POGZ: variants seen among roughly 807,000 people sequenced by gnomAD.
The protein encoded by POGZ is pogo transposable element derived with ZNF domain.
POGZ carries 17 observed loss-of-function variants against 134.6 expected under a neutral mutation model. The ratio of observed to expected loss-of-function variants is 0.13; its 90% CI spans 0.09 to 0.19. The LOEUF is 0.19. Among genes scored for constraint, POGZ ranks in the 10% least tolerant of loss-of-function variants. The probability of loss-of-function intolerance (pLI) is 1.00; values close to 1 mark genes in which losing one functional copy is unlikely to be tolerated. For synonymous variants in POGZ, 693 were observed against 657.1 expected, an observed-to-expected ratio of 1.05 and a Z score of -0.84; for missense variants, 1,306 against 1,769.7, an observed-to-expected ratio of 0.74 and a Z score of 4.70.
At chr1:151,439,282 G>C (rs1660130551) in intron 3 of POGZ, among the ~76,000 whole-genome samples, 1 of 152,000 alleles carries the variant, frequency 6.6e-6, no homozygotes. Flanking sequence ...TACATAAATG[G>C]TTCCCCATCT....
chr1:151,447,044 T>G (rs995645254), intron 1 of POGZ, among the ~76,000 whole-genome samples: 34 of 152,098 alleles, frequency 2.2e-4, no homozygotes, highest in Non-Finnish European at 1.5e-5. Flanking sequence ...TCATAAATAT[T>G]TTGGTATGTA....
intron 1 of POGZ, among the ~76,000 whole-genome samples, chr1:151,447,405 T>TA (rs1661428098): frequency 1.3e-5 from 2 of 151,976 alleles, no homozygotes; most frequent in Non-Finnish European, 2.9e-5. Flanking sequence ...ATTACATGCC[T>TA]AAAAAACTGA....
intron 10 of POGZ, among the ~76,000 whole-genome samples, chr1:151,416,543 A>C (rs547181396): frequency 6.6e-6 from 1 of 152,284 alleles, no homozygotes; most frequent in Admixed American, 6.5e-5. Context: ...TTATGAAAAG[A>C]ACCCTAGGGC....
In POGZ at chr1:151,404,723, T is replaced by A; in HGVS notation, c.*79A>T. On this transcript the variant is annotated 3_prime_UTR_variant, in exon 19 of 19. Transcript: ENST00000271715. Reference sequence around the variant, plus strand: ...TAGAAACCAAATACCCCACCTGGTATGCCCCCTTTTCCCTAAGCCCCTTTA... The same window carrying A: ...TAGAAACCAAATACCCCACCTGGTAAGCCCCCTTTTCCCTAAGCCCCTTTA... 1.3e-6 allele frequency: 2 copies of A among 1,492,264 alleles called. No individual in the cohort carries two copies. The highest frequency in any genetic ancestry group is 1.8e-6 in the Non-Finnish European group (2 of 1,122,764). The allele number at this position is 1,492,264 out of a possible 1,614,324, so 92.4% of individuals were successfully genotyped here. A position where few individuals can be genotyped will look rare whatever the true frequency, so the allele number is the denominator to read the frequency against.
chr1:151,412,017 A>G (rs2102191538), intron 11 of POGZ, among the ~76,000 whole-genome samples: 1 of 152,358 alleles, frequency 6.6e-6, no homozygotes, highest in East Asian at 1.9e-4. Context: ...AAGAAAAATA[A>G]AGCCTTTTCT....
chr1:151,450,182 C>T (rs1661871083), intron 1 of POGZ, among the ~76,000 whole-genome samples: 1 of 151,716 alleles, frequency 6.6e-6, no homozygotes, highest in Non-Finnish European at 1.5e-5. Flanking sequence ...CAGGTGCCCA[C>T]CACCACGGCT....
At chr1:151,408,919 C>T (rs1051716914) in intron 12 of POGZ, 91 bp from the exon 13 acceptor site, 5 of 1,065,464 alleles carry the variant, frequency 4.7e-6, no homozygotes, top group African/African-American at 3.1e-5. Context: ...CAATGTCAAC[C>T]ATATCATTCT....
intron 1 of POGZ, among the ~76,000 whole-genome samples, chr1:151,454,069 T>A (rs1250346284): frequency 6.6e-6 from 1 of 152,218 alleles, no homozygotes; most frequent in Admixed American, 6.5e-5. Context: ...TGTTCTTTCA[T>A]AGCTGTAAAG....
intron 14 of POGZ, 84 bp downstream of exon 14, chr1:151,408,325 A>C: frequency 1.3e-6 from 2 of 1,573,078 alleles, no homozygotes; most frequent in Non-Finnish European, 1.7e-6. Context: ...ACCCTGCTAA[A>C]AAGCTACCAG....
At position 151,430,904 on chromosome 1, in the gene POGZ, C is replaced by CTTTAT. The variant is rs60227751; in HGVS notation, c.284-68_284-64dup. 15,512 of 426,174 alleles carry CTTTAT rather than the reference C, an allele frequency of 0.036. 1,368 individuals are homozygous for CTTTAT. The highest frequency in any genetic ancestry group is 0.25 in the East Asian group (3,411 of 13,484). The allele number at this position is 426,174 out of a possible 1,614,324, so 26.4% of individuals were successfully genotyped here. A position where few individuals can be genotyped will look rare whatever the true frequency, so the allele number is the denominator to read the frequency against. ...GAAACAATGTTAAACCCACATTTTA[C>CTTTAT]TTTATTTTATTTTATTTTATTTTAT... On this transcript the variant is annotated intron_variant, in intron 3 of 18. Transcript: ENST00000271715.
rs781348144 is a variant in POGZ, at chr1:151,442,176, C to G, written c.29G>C (p.Cys10Ser). Residue 10 changes from cysteine to serine, a missense_variant, in exon 2 of 19, where the codon TGT becomes TCT. Cys to Ser is a moderately radical substitution (Grantham distance 112, BLOSUM62 -1). Transcript: ENST00000271715. MADTDLFME[C>S]EEEELEPWQK... Reference sequence around the variant, plus strand: ...CCATGGCTCCAACTCCTCCTCCTCACATTCCATGAACAGGTCGGTGTCCGC... The same window carrying G: ...CCATGGCTCCAACTCCTCCTCCTCAGATTCCATGAACAGGTCGGTGTCCGC... 6.2e-7 allele frequency: 1 copy of G among 1,613,762 alleles called. No homozygotes were observed.
At chr1:151,457,860 G>C (rs931192765) in intron 1 of POGZ, among the ~76,000 whole-genome samples, 3 of 151,750 alleles carry the variant, frequency 2.0e-5, no homozygotes, top group Admixed American at 2.0e-4. Flanking sequence ...CCGGCAGGCG[G>C]AGGTTGCAGT....
chr1:151,422,461 C>A (rs1225966986), intron 10 of POGZ, among the ~76,000 whole-genome samples: 1 of 152,166 alleles, frequency 6.6e-6, no homozygotes, highest in Non-Finnish European at 1.5e-5. Context: ...CGCTCATAAG[C>A]AAATGACTCA....
At chr1:151,412,437 A>C in intron 10 of POGZ, 41 bp from the exon 11 acceptor site, 1 of 1,084,616 alleles carries the variant, frequency 9.2e-7, no homozygotes, top group Non-Finnish European at 1.4e-6. Flanking sequence ...CTTGAAAATA[A>C]GACAAAAGTC....
intron 12 of POGZ, 26 bp from the exon 13 acceptor site, chr1:151,408,854 G>A: frequency 6.2e-7 from 1 of 1,600,802 alleles, no homozygotes. Context: ...GAAAAAAAGA[G>A]ACAAAATCCC....
At chr1:151,425,366 A>T (rs1264852161) in intron 7 of POGZ, 6 of 213,668 alleles carry the variant, frequency 2.8e-5, no homozygotes, top group Non-Finnish European at 2.9e-5. Context: ...AGCAAACCAC[A>T]GCACACAGAT....
intron 1 of POGZ, among the ~76,000 whole-genome samples, chr1:151,445,599 T>G (rs912549917): frequency 1.5e-5 from 1 of 66,926 alleles, no homozygotes; most frequent in South Asian, 4.0e-4. Context: ...TGGGGAAATA[T>G]TTTTCATTTT....
intron 12 of POGZ, among the ~76,000 whole-genome samples, chr1:151,410,276 T>C (rs1337667504): frequency 6.6e-6 from 1 of 152,224 alleles, no homozygotes; most frequent in Non-Finnish European, 1.5e-5. Flanking sequence ...TTTTTATAAA[T>C]AAACTTCTTT....
Position 151,427,868 on chromosome 1 carries a change from C to A in POGZ, c.1033G>T (p.Ala345Ser). ...GPVVVSNNSS[A>S]HGSQRTSGPE... ...CCGCTGGTTCTTTGAGAGCCATGAG[C>A]AGAGCTGTTGTTGGACACCACCACT... Residue 345 changes from alanine to serine, a missense_variant, in exon 7 of 19, where the codon GCT becomes TCT. By Grantham distance (99) the Ala-to-Ser change is moderately conservative (BLOSUM62 1). Around this residue, in one of 10 missense-constraint regions of POGZ, gnomAD observed 541 missense variants for 680.5 expected, o/e 0.80. Transcript: ENST00000271715. The A allele has an allele frequency of 6.2e-7, 1 of 1,614,072 alleles. No individual in the cohort carries two copies. Among genetic ancestry groups the A allele is most frequent in the Non-Finnish European group, 8.5e-7 (1 of 1,179,968 alleles).
Sources: gnomAD v4.1 joint callset for allele counts (sites outside exome capture counted in the v4.1 genomes callset) on GRCh38, gnomAD v4.1.1 for gene constraint, gnomAD v4.1.1 regional missense constraint, MANE v1.5 for transcripts, NCBI Gene and HGNC (gene_info 2026-07-23, HGNC 2026-07-21) for gene names.